ADAMTSL1: variants seen among roughly 807,000 people sequenced by gnomAD.
ADAMTSL1 encodes ADAMTS like 1, also known as ADAMTS-like protein 1.
A neutral mutation model predicts 201.8 loss-of-function variants in ADAMTSL1; 126 were observed. The ratio of observed to expected loss-of-function variants is 0.62; its 90% CI spans 0.54 to 0.72. The LOEUF is 0.72. ADAMTSL1 is among the 30% of genes least tolerant of loss of function. The pLI, the probability that ADAMTSL1 is intolerant of heterozygous loss-of-function variation, is 0.00. For synonymous variants in ADAMTSL1, 1,121 were observed against 903.4 expected (o/e 1.24, Z -4.32); for missense variants, 2,679 against 2,277.8 (o/e 1.18, Z -3.59).
chr9:18,359,718 C>T (rs1157091561), intron 2 of ADAMTSL1, among the ~76,000 whole-genome samples: 2 of 151,852 alleles, frequency 1.3e-5, no homozygotes, highest in East Asian at 3.9e-4. Context: ...GATATGTATA[C>T]AGCCTGATTC....
intron 4 of ADAMTSL1, among the ~76,000 whole-genome samples, chr9:18,602,976 G>A (rs777050017): frequency 1.3e-5 from 2 of 152,066 alleles, no homozygotes; most frequent in Non-Finnish European, 2.9e-5. Flanking sequence ...ACTTCTAAGA[G>A]GTAAAAAATG....
chr9:18,328,778 T>C (rs1834923562), intron 2 of ADAMTSL1, among the ~76,000 whole-genome samples: 1 of 152,184 alleles, frequency 6.6e-6, no homozygotes, highest in South Asian at 2.1e-4. Context: ...TGAGTATTAA[T>C]AGAAGCACAT....
At position 18,198,339 on chromosome 9, in the gene ADAMTSL1, A is replaced by C. The variant is rs866321993; in HGVS notation, c.207+34358A>C. On this transcript the variant is annotated intron_variant, in intron 2 of 29. Coordinates refer to the ADAMTSL1 transcript ENST00000680146. Reference sequence around the variant, plus strand: ...AACAGGCAACCTACAAAATGGGAGAAAATTTTCGCAACCTACTCATCTGAC... The same window carrying C: ...AACAGGCAACCTACAAAATGGGAGACAATTTTCGCAACCTACTCATCTGAC... 7.2e-3 allele frequency among the ~76,000 whole-genome samples: 1,040 copies of C among 143,972 alleles called. 8 individuals carry two copies. The highest frequency in any genetic ancestry group is 0.012 in the South Asian group (51 of 4,306). The allele number at this position is 143,972 out of a possible 152,430, so 94.5% of individuals were successfully genotyped here. A position where few individuals can be genotyped will look rare whatever the true frequency, so the allele number is the denominator to read the frequency against.
At chr9:18,671,773 G>A (rs1441011499) in intron 9 of ADAMTSL1, among the ~76,000 whole-genome samples, 1 of 152,088 alleles carries the variant, frequency 6.6e-6, no homozygotes, top group Non-Finnish European at 1.5e-5. Flanking sequence ...AGAACCGGCC[G>A]GGTGTGGTGG....
intron 26 of ADAMTSL1, among the ~76,000 whole-genome samples, chr9:18,897,793 T>G (rs926501778): frequency 1.3e-5 from 2 of 152,202 alleles, no homozygotes; most frequent in Non-Finnish European, 2.9e-5. Context: ...AGAGTGCCTC[T>G]TCTCCTCTAA....
intron 1 of ADAMTSL1, among the ~76,000 whole-genome samples, chr9:18,000,509 C>T (rs1819568275): frequency 6.6e-6 from 1 of 151,916 alleles, no homozygotes; most frequent in Non-Finnish European, 1.5e-5. Context: ...TCTTGACATC[C>T]ACAAATGAGA....
At chr9:18,523,742 A>G (rs1818853525) in intron 2 of ADAMTSL1, among the ~76,000 whole-genome samples, 1 of 142,002 alleles carries the variant, frequency 7.0e-6, no homozygotes, top group Admixed American at 7.4e-5. Flanking sequence ...GTCAAAGATC[A>G]GATAGTTGTA....
At chr9:18,797,827 C>T (rs888765459) in intron 20 of ADAMTSL1, among the ~76,000 whole-genome samples, 7 of 152,304 alleles carry the variant, frequency 4.6e-5, no homozygotes, top group African/African-American at 1.7e-4. Flanking sequence ...TGTTCATACT[C>T]AATAAATGTA....
intron 2 of ADAMTSL1, among the ~76,000 whole-genome samples, chr9:18,400,604 C>T (rs1035495469): frequency 2.0e-5 from 3 of 152,108 alleles, no homozygotes; most frequent in African/African-American, 7.2e-5. Context: ...ACATAGAATA[C>T]GTTTCGAACA....
intron 2 of ADAMTSL1, among the ~76,000 whole-genome samples, chr9:18,430,766 A>C (rs1439478238): frequency 6.6e-6 from 1 of 152,176 alleles, no homozygotes; most frequent in Non-Finnish European, 1.5e-5. Flanking sequence ...GTACATCTCA[A>C]AGGGATAAAT....
intron 2 of ADAMTSL1, among the ~76,000 whole-genome samples, chr9:18,297,767 A>G (rs1563867979): frequency 6.6e-6 from 1 of 152,208 alleles, no homozygotes; most frequent in Non-Finnish European, 1.5e-5. Context: ...ACTGAAGGGA[A>G]AGGGAGAGAA....
At chr9:18,830,871 G>A (rs1824933343) in intron 23 of ADAMTSL1, among the ~76,000 whole-genome samples, 1 of 152,168 alleles carries the variant, frequency 6.6e-6, no homozygotes, top group African/African-American at 2.4e-5. Context: ...ACAAAGTGGG[G>A]AAAATCTTCA....
chr9:18,500,803 C>T (rs1237113128), intron 1 of ADAMTSL1, among the ~76,000 whole-genome samples: 1 of 152,180 alleles, frequency 6.6e-6, no homozygotes, highest in Non-Finnish European at 1.5e-5. Flanking sequence ...GATACATCTA[C>T]TACTAGTGAA....
At chr9:18,305,121 C>G (rs1192079909) in intron 2 of ADAMTSL1, among the ~76,000 whole-genome samples, 1 of 152,174 alleles carries the variant, frequency 6.6e-6, no homozygotes, top group Non-Finnish European at 1.5e-5. Context: ...ACTCCCTCTC[C>G]TAGACAAGGG....
At chr9:18,795,683 T>G (rs987484878) in intron 20 of ADAMTSL1, among the ~76,000 whole-genome samples, 159 bp downstream of exon 20, 2 of 152,202 alleles carry the variant, frequency 1.3e-5, no homozygotes, top group African/African-American at 4.8e-5. Flanking sequence ...TAGTATGAGG[T>G]AGAATGAAGT....
intron 1 of ADAMTSL1, among the ~76,000 whole-genome samples, chr9:17,986,276 C>G (rs1033971324): frequency 1.3e-5 from 2 of 152,024 alleles, no homozygotes; most frequent in African/African-American, 4.8e-5. Context: ...AACAGCCTTT[C>G]TGCAATGACC....
chr9:18,414,054 G>A (rs770358990), intron 2 of ADAMTSL1, among the ~76,000 whole-genome samples: 1 of 152,122 alleles, frequency 6.6e-6, no homozygotes, highest in Non-Finnish European at 1.5e-5. Flanking sequence ...TGAGATGTTG[G>A]GTACAGCTGG....
chr9:18,563,810 G>C (rs986596740), intron 3 of ADAMTSL1, among the ~76,000 whole-genome samples: 6 of 152,164 alleles, frequency 3.9e-5, no homozygotes, highest in Admixed American at 6.5e-5. Context: ...TGTTTACACT[G>C]TGAGTGGAAA....
chr9:18,087,160 G>A (rs1401488148), intron 1 of ADAMTSL1, among the ~76,000 whole-genome samples: 1 of 152,026 alleles, frequency 6.6e-6, no homozygotes, highest in Admixed American at 6.6e-5. Context: ...ATCACACATT[G>A]TAGTTAATTT....
Sources: gnomAD v4.1 joint callset for allele counts (sites outside exome capture counted in the v4.1 genomes callset) on GRCh38, gnomAD v4.1.1 for gene constraint, MANE v1.5 for transcripts, NCBI Gene and HGNC (gene_info 2026-07-23, HGNC 2026-07-21) for gene names.